KHDRBS2: variants seen among roughly 807,000 people sequenced by gnomAD.
The protein encoded by KHDRBS2 is KH RNA binding domain containing, signal transduction associated 2, also known as KH domain-containing, RNA-binding, signal transduction-associated protein 2.
In KHDRBS2, 26 loss-of-function variants were observed where a neutral mutation model predicts 44.3. The observed-to-expected ratio is 0.59, with a 90% confidence interval of 0.43 to 0.81. The LOEUF (loss-of-function observed/expected upper bound fraction) is 0.81. KHDRBS2 is among the 40% of genes least tolerant of loss of function. KHDRBS2 has a pLI of 0.00. For synonymous variants in KHDRBS2, 194 were observed against 151.1 expected, an observed-to-expected ratio of 1.28 and a Z score of -2.08; for missense variants, 476 against 433.1, an observed-to-expected ratio of 1.10 and a Z score of -0.88.
intron 4 of KHDRBS2, among the ~76,000 whole-genome samples, chr6:61,909,508 C>T (rs1805663366): frequency 6.6e-6 from 1 of 152,116 alleles, no homozygotes; most frequent in Non-Finnish European, 1.5e-5. Flanking sequence ...AATAATTTTA[C>T]ATGTTCCTTT....
intron 5 of KHDRBS2, among the ~76,000 whole-genome samples, chr6:61,898,700 C>A (rs9445580): frequency 0.37 from 55,881 of 151,592 alleles, 10,831 homozygotes; most frequent in African/African-American, 0.49. Flanking sequence ...CTTTCTAGAG[C>A]TTTTCTGCTT....
At chr6:62,010,916 G>A (rs1451006681) in intron 3 of KHDRBS2, among the ~76,000 whole-genome samples, 2 of 151,486 alleles carry the variant, frequency 1.3e-5, no homozygotes, top group African/African-American at 2.4e-5. Flanking sequence ...ATAAAATTAG[G>A]GCCCAAACAT....
At chr6:61,605,935 T>C in the KHDRBS2 span, among the ~76,000 whole-genome samples, 9 of 152,172 alleles carry the variant, frequency 5.9e-5, no homozygotes, top group Non-Finnish European at 1.3e-4. Context: ...AGTGGCCTGT[T>C]CCTGCCTTAA....
At chr6:61,593,578 T>G in the KHDRBS2 span, among the ~76,000 whole-genome samples, 5 of 152,026 alleles carry the variant, frequency 3.3e-5, no homozygotes, top group African/African-American at 1.2e-4. Flanking sequence ...CAAAATAAAT[T>G]TTAGTCTTAT....
intron 2 of KHDRBS2, among the ~76,000 whole-genome samples, chr6:62,113,546 A>C (rs1453683209): frequency 6.6e-6 from 1 of 152,136 alleles, no homozygotes; most frequent in African/African-American, 2.4e-5. Context: ...TGGATGTGGA[A>C]ATAACAAACC....
chr6:61,828,755 AC>A (rs1169681140), intron 6 of KHDRBS2, among the ~76,000 whole-genome samples: 1 of 152,216 alleles, frequency 6.6e-6, no homozygotes, highest in Non-Finnish European at 1.5e-5. Flanking sequence ...ACAAGATTTT[AC>A]ACTGACCATC....
At chr6:61,937,095 A>C (rs2127371964) in intron 4 of KHDRBS2, among the ~76,000 whole-genome samples, 1 of 151,612 alleles carries the variant, frequency 6.6e-6, no homozygotes, top group South Asian at 2.1e-4. Flanking sequence ...TTCCTTCATG[A>C]TTTTCTCTTC....
chr6:61,729,346 G>A (rs921998887), intron 7 of KHDRBS2, among the ~76,000 whole-genome samples: 1 of 152,006 alleles, frequency 6.6e-6, no homozygotes, highest in Non-Finnish European at 1.5e-5. Context: ...AGGAGGGAGA[G>A]GATCAGGAAA....
At chr6:62,064,075 G>A (rs1409238868) in intron 2 of KHDRBS2, among the ~76,000 whole-genome samples, 1 of 122,752 alleles carries the variant, frequency 8.1e-6, no homozygotes, top group Non-Finnish European at 1.8e-5. Flanking sequence ...ACTTACAAGG[G>A]ACGTGAAGGA....
At chr6:62,084,995 C>A (rs1237960632) in intron 2 of KHDRBS2, among the ~76,000 whole-genome samples, 1 of 151,974 alleles carries the variant, frequency 6.6e-6, no homozygotes, top group African/African-American at 2.4e-5. Context: ...TGTGTGCAGG[C>A]AAAACTGAAA....
intron 6 of KHDRBS2, among the ~76,000 whole-genome samples, chr6:61,780,289 T>C (rs1416525869): frequency 6.6e-6 from 1 of 152,102 alleles, no homozygotes; most frequent in Non-Finnish European, 1.5e-5. Flanking sequence ...TCACTTGAGC[T>C]CAGAAATTCA....
chr6:61,553,703 T>C, the KHDRBS2 span, among the ~76,000 whole-genome samples: 4 of 152,180 alleles, frequency 2.6e-5, no homozygotes, highest in Non-Finnish European at 4.4e-5. Flanking sequence ...GTTATATCTT[T>C]GTTCTCATTA....
At chr6:62,240,106 A>G (rs950530339) in intron 1 of KHDRBS2, among the ~76,000 whole-genome samples, 3 of 152,186 alleles carry the variant, frequency 2.0e-5, no homozygotes, top group Non-Finnish European at 4.4e-5. Flanking sequence ...TTATTAACAT[A>G]TAACATTAGT....
chr6:61,893,147 A>G (rs1388071390), intron 6 of KHDRBS2, among the ~76,000 whole-genome samples: 1 of 152,242 alleles, frequency 6.6e-6, no homozygotes, highest in African/African-American at 2.4e-5. Context: ...CACATGAAAA[A>G]ATGCTCATCA....
chr6:62,190,600 C>G (rs1292705226), intron 1 of KHDRBS2, among the ~76,000 whole-genome samples: 2 of 152,228 alleles, frequency 1.3e-5, no homozygotes, highest in African/African-American at 4.8e-5. Context: ...ACACCAAGCC[C>G]AAACTACCTT....
the KHDRBS2 span, among the ~76,000 whole-genome samples, chr6:61,636,106 C>T: frequency 6.6e-6 from 1 of 151,948 alleles, no homozygotes; most frequent in Non-Finnish European, 1.5e-5. Flanking sequence ...TAATGGAATC[C>T]CACACCTAAA....
intron 1 of KHDRBS2, among the ~76,000 whole-genome samples, chr6:62,192,580 C>T (rs879882977): frequency 3.3e-5 from 5 of 152,098 alleles, no homozygotes; most frequent in Admixed American, 2.6e-4. Context: ...AATCTAATTA[C>T]ATTAGGCATT....
chr6:62,250,902 G>T (rs1458735707), intron 1 of KHDRBS2, among the ~76,000 whole-genome samples: 5 of 151,882 alleles, frequency 3.3e-5, no homozygotes, highest in African/African-American at 1.2e-4. Flanking sequence ...AGATAAAGGA[G>T]GCTAAAGAGA....
intron 2 of KHDRBS2, among the ~76,000 whole-genome samples, chr6:62,171,762 A>C (rs1820060008): frequency 6.6e-6 from 1 of 152,176 alleles, no homozygotes; most frequent in African/African-American, 2.4e-5. Flanking sequence ...GAAGAGATTG[A>C]GGGCCTATAT....
Sources: gnomAD v4.1 joint callset for allele counts (sites outside exome capture counted in the v4.1 genomes callset) on GRCh38, gnomAD v4.1.1 for gene constraint, MANE v1.5 for transcripts, NCBI Gene and HGNC (gene_info 2026-07-23, HGNC 2026-07-21) for gene names.